ZFP2: variants seen among roughly 807,000 people sequenced by gnomAD.
The protein encoded by ZFP2 is ZFP2 zinc finger protein.
In ZFP2, 33 loss-of-function variants were observed where a neutral mutation model predicts 36.1. The ratio of observed to expected loss-of-function variants is 0.92; its 90% CI spans 0.69 to 1.22. The LOEUF is 1.22. ZFP2 is among the 50% of genes most tolerant of loss of function. ZFP2 has a pLI of 0.00. For missense variants in ZFP2, 522 were observed against 551.4 expected, an observed-to-expected ratio of 0.95 and a Z score of 0.53; for synonymous variants, 170 against 178.0, an observed-to-expected ratio of 0.96 and a Z score of 0.36.
At chr5:178,919,025 C>T (rs1177696757) in intron 4 of ZFP2, among the ~76,000 whole-genome samples, 1 of 152,132 alleles carries the variant, frequency 6.6e-6, no homozygotes, top group Non-Finnish European at 1.5e-5. Context: ...AATTTCCCCC[C>T]ATCTCAGTGG....
chr5:178,901,918 G>A (rs1330278427), intron 1 of ZFP2, among the ~76,000 whole-genome samples: 5 of 152,088 alleles, frequency 3.3e-5, no homozygotes. Context: ...TGGATCACTT[G>A]AGGTCAGGAG....
In ZFP2 at chr5:178,931,415, T is replaced by C; in HGVS notation, c.102T>C (p.Val34=). Residue 34 remains valine, a synonymous_variant, in exon 5 of 5, where the codon GTT becomes GTC. Transcript: ENST00000361362. ...ATAGTCATCTGAGCCAAGTGGGAGT[T>C]ACCCATAAGGAAACCTTCACTGAGA... is the stretch of plus-strand genomic sequence containing the variant. ...QQDSHLSQVG[V]THKETFTEMR... 6.2e-7 allele frequency: 1 copy of C among 1,614,110 alleles called. No homozygotes were observed. The highest frequency in any genetic ancestry group is 1.1e-5 in the South Asian group (1 of 91,084).
rs768135430 is a variant in ZFP2, at chr5:178,931,765, T to C, written c.452T>C (p.Ile151Thr). 6 of 1,614,090 alleles carry C rather than the reference T, an allele frequency of 3.7e-6. No individual in the cohort carries two copies. The African/African-American group carries it at 5.3e-5, about 14-fold the overall frequency. ...TCCTCCCTTACTGTACATCAAAGAA[T>C]TCATACTGGAGAGAAACCCTATAAA... ...ERSSLTVHQRIHTGEKPYKCN... is the reference protein window; with the variant it reads ...ERSSLTVHQRTHTGEKPYKCN... Residue 151 changes from isoleucine (I) to threonine (T), a missense_variant, in exon 5 of 5, where the codon ATT becomes ACT. Coordinates refer to ENST00000361362, the MANE Select transcript of ZFP2 (RefSeq NM_030613.4).
At chr5:178,926,932 A>T (rs1758687130) in intron 4 of ZFP2, among the ~76,000 whole-genome samples, 1 of 152,098 alleles carries the variant, frequency 6.6e-6, no homozygotes, top group Non-Finnish European at 1.5e-5. Flanking sequence ...CTTTTCACTT[A>T]AGCAGATCAG....
intron 4 of ZFP2, among the ~76,000 whole-genome samples, chr5:178,925,657 G>A (rs952398560): frequency 3.4e-5 from 5 of 148,994 alleles, no homozygotes; most frequent in Non-Finnish European, 6.0e-5. Context: ...TTGAGATTGG[G>A]CATCTTTGCT....
chr5:178,910,887 T>C (rs998572812), intron 1 of ZFP2, among the ~76,000 whole-genome samples: 2 of 152,108 alleles, frequency 1.3e-5, no homozygotes, highest in African/African-American at 4.8e-5. Flanking sequence ...AACCACTGGG[T>C]TCATTTTTAG....
Position 178,932,300 on chromosome 5 carries a change from C to T in ZFP2, c.987C>T (p.Asn329=), listed in dbSNP as rs372341194. Residue 329 remains asparagine (N), a synonymous_variant, in exon 5 of 5, where the codon AAC becomes AAT. Coordinates refer to ENST00000361362, the MANE Select transcript of ZFP2 (RefSeq NM_030613.4). ...LHSGVKPFEC[N]ECGKAFSKNS... is the part of the protein sequence containing the mutation. ...CTGGAGTAAAACCTTTTGAATGTAACGAGTGTGGAAAAGCTTTCAGTAAGA... is the reference window on the plus strand; with the variant it reads ...CTGGAGTAAAACCTTTTGAATGTAATGAGTGTGGAAAAGCTTTCAGTAAGA... 6.1e-5 allele frequency: 99 copies of T among 1,613,982 alleles called. No homozygotes were observed. The Middle Eastern group carries it at 1.3e-3, about 22-fold the overall frequency.
intron 4 of ZFP2, among the ~76,000 whole-genome samples, chr5:178,917,550 A>G (rs11249603): frequency 0.36 from 54,997 of 151,784 alleles, 10,191 homozygotes; most frequent in East Asian, 0.49. Context: ...GGGAGGTGGA[A>G]GTTGCAGTAA....
In ZFP2 at chr5:178,920,266, C is replaced by T. The variant is rs76163330; in HGVS notation, c.-78+3556C>T. On this transcript the variant is annotated intron_variant, in intron 4 of 4. Transcript: ENST00000361362. ...AATCTGTCTTCAAGTTAATTCTTTC[C>T]TTTTTTCACCCTTCTGCTGTTGGAC... Among the ~76,000 whole-genome samples, 1,222 of 151,998 alleles carry T rather than the reference C, an allele frequency of 8.0e-3. 71 individuals are homozygous for T. The East Asian group carries it at 0.13, about 16-fold the overall frequency.
chr5:178,920,770 A>G (rs1758545380), intron 4 of ZFP2, among the ~76,000 whole-genome samples: 1 of 152,238 alleles, frequency 6.6e-6, no homozygotes, highest in African/African-American at 2.4e-5. Flanking sequence ...TGGAACAAGT[A>G]AGGCAGATGC....
intron 1 of ZFP2, among the ~76,000 whole-genome samples, chr5:178,902,190 C>T (rs948819420): frequency 2.0e-5 from 3 of 152,052 alleles, no homozygotes; most frequent in Non-Finnish European, 2.9e-5. Context: ...AACATTTTGC[C>T]ATTTTTCTCT....
chr5:178,931,886 T>C lies in ZFP2; in HGVS notation c.573T>C (p.Cys191=). ...TGEKPYQCKE[C]GKAFHKNSSL... ...AGAAACCCTATCAGTGTAAAGAGTG[T>C]GGCAAAGCCTTCCATAAGAATTCAT... Residue 191 remains cysteine, a synonymous_variant, in exon 5 of 5, where the codon TGT becomes TGC. Coordinates refer to ENST00000361362, the MANE Select transcript of ZFP2 (RefSeq NM_030613.4). 1 of 1,612,840 alleles carries C rather than the reference T, an allele frequency of 6.2e-7. No homozygotes were observed. Among genetic ancestry groups the C allele is most frequent in the Non-Finnish European group, 8.5e-7 (1 of 1,178,992 alleles).
chr5:178,905,546 C>G (rs1042990131), intron 1 of ZFP2, among the ~76,000 whole-genome samples: 1 of 152,016 alleles, frequency 6.6e-6, no homozygotes, highest in African/African-American at 2.4e-5. Flanking sequence ...TATCAAAAAG[C>G]CTTTGTTTTT....
intron 1 of ZFP2, among the ~76,000 whole-genome samples, chr5:178,898,430 C>T (rs1298824042): frequency 6.6e-6 from 1 of 152,180 alleles, no homozygotes; most frequent in Non-Finnish European, 1.5e-5. Flanking sequence ...CTTTGTATAG[C>T]TAAATAGGCA....
At chr5:178,910,651 G>A (rs552442534) in intron 1 of ZFP2, 3 of 380,760 alleles carry the variant, frequency 7.9e-6, no homozygotes, top group South Asian at 7.1e-5. Flanking sequence ...TGGATCAGTT[G>A]CCCTCACTGC....
At chr5:178,906,785 T>C (rs891127427) in intron 1 of ZFP2, among the ~76,000 whole-genome samples, 1 of 152,020 alleles carries the variant, frequency 6.6e-6, no homozygotes, top group African/African-American at 2.4e-5. Flanking sequence ...CTCGAACTCA[T>C]GACCTCAAGC....
At chr5:178,901,201 A>G (rs1201790647) in intron 1 of ZFP2, among the ~76,000 whole-genome samples, 1 of 152,156 alleles carries the variant, frequency 6.6e-6, no homozygotes, top group Non-Finnish European at 1.5e-5. Flanking sequence ...TCAAGTGTAC[A>G]TTTGACTTTG....
At position 178,916,610 on chromosome 5, in the gene ZFP2, T is replaced by A; in HGVS notation, c.-178T>A. The A allele has an allele frequency of 4.1e-6, 4 of 979,956 alleles. No individual in the cohort carries two copies. Among genetic ancestry groups the A allele is most frequent in the Non-Finnish European group, 4.8e-6 (4 of 828,428 alleles). The allele number at this position is 979,956 out of a possible 1,614,324, so 60.7% of individuals were successfully genotyped here. A position where few individuals can be genotyped will look rare whatever the true frequency, so the allele number is the denominator to read the frequency against. On this transcript the variant is annotated 5_prime_UTR_variant, in exon 4 of 5. Coordinates refer to ENST00000361362, the MANE Select transcript of ZFP2 (RefSeq NM_030613.4). Reference sequence around the variant, plus strand: ...CAGATTAATCTGACATTTAGTCCTCTCATTATCCTGTCCCAGTCAAGGGGA... The same window carrying A: ...CAGATTAATCTGACATTTAGTCCTCACATTATCCTGTCCCAGTCAAGGGGA...
In ZFP2 at chr5:178,932,670, C is replaced by T; in HGVS notation, c.1357C>T (p.Leu453Phe). ...CGKAFSRSTN[L>F]TRHQRTHT ...AAAAGCCTTCAGCCGGAGTACAAAC[C>T]TTACACGACATCAAAGAACTCATAC... The change falls in exon 5 of 5, where the codon CTT becomes TTT. Residue 453 changes from leucine (L) to phenylalanine (F), a missense_variant. Transcript: ENST00000361362. 1 of 1,606,408 alleles carries T rather than the reference C, an allele frequency of 6.2e-7. No individual in the cohort carries two copies. Among genetic ancestry groups the T allele is most frequent in the East Asian group, 2.2e-5 (1 of 44,826 alleles).
Sources: gnomAD v4.1 joint callset for allele counts (sites outside exome capture counted in the v4.1 genomes callset) on GRCh38, gnomAD v4.1.1 for gene constraint, MANE v1.5 for transcripts, NCBI Gene and HGNC (gene_info 2026-07-23, HGNC 2026-07-21) for gene names.